MALRD1: variants seen among roughly 807,000 people sequenced by gnomAD.
MALRD1 encodes MAM and LDL-receptor class A domain-containing protein 1.
A neutral mutation model predicts 242.1 loss-of-function variants in MALRD1; 247 were observed. That is an observed-to-expected ratio of 1.02 (90% CI 0.92 to 1.13). The LOEUF is 1.13. Among genes scored for constraint, MALRD1 ranks in the 50% most tolerant of loss-of-function variants. The pLI is 0.00. For missense variants in MALRD1, 2,989 were observed against 2,533.1 expected, an observed-to-expected ratio of 1.18 and a Z score of -3.86; for synonymous variants, 995 against 866.6, an observed-to-expected ratio of 1.15 and a Z score of -2.60.
In MALRD1 at chr10:19,136,674, C is replaced by T. The variant is rs186167365; in HGVS notation, c.1304C>T (p.Ser435Phe). 2.8e-4 allele frequency: 343 copies of T among 1,231,736 alleles called. 4 individuals are homozygous for T. In the South Asian group the frequency reaches 0.01, roughly 37 times the overall value. The allele number at this position is 1,231,736 out of a possible 1,614,324, so 76.3% of individuals were successfully genotyped here. Reference sequence around the variant, plus strand: ...CAGACCCAATCCAGAAAGCTTTGCTCTGCAGACGAATTCCCTTGCACTAGT... The same window carrying T: ...CAGACCCAATCCAGAAAGCTTTGCTTTGCAGACGAATTCCCTTGCACTAGT... Reference protein sequence around the residue: ...CGQTQSRKLCSADEFPCTSGQ... With the variant: ...CGQTQSRKLCFADEFPCTSGQ... The change falls in exon 10 of 40, where the codon TCT becomes TTT. Residue 435 changes from serine (S) to phenylalanine (F), a missense_variant. By Grantham distance (155) the Ser-to-Phe change is radical (BLOSUM62 -2). Coordinates refer to ENST00000454679, the MANE Select transcript of MALRD1 (RefSeq NM_001142308.3).
intron 18 of MALRD1, among the ~76,000 whole-genome samples, chr10:19,236,134 G>C (rs143028717): frequency 6.6e-6 from 1 of 152,144 alleles, no homozygotes; most frequent in Non-Finnish European, 1.5e-5. Context: ...AAAATTATCT[G>C]TTCCTTCCTA....
chr10:19,249,723 G>A (rs956733981), intron 18 of MALRD1, among the ~76,000 whole-genome samples: 4 of 151,994 alleles, frequency 2.6e-5, no homozygotes, highest in African/African-American at 9.7e-5. Context: ...AGTGGTCAAG[G>A]AAGGCTTCTC....
At chr10:19,215,729 A>G (rs1420623227) in intron 18 of MALRD1, among the ~76,000 whole-genome samples, 3 of 88,228 alleles carry the variant, frequency 3.4e-5, no homozygotes, top group Non-Finnish European at 5.6e-5. Flanking sequence ...AAATTAGTAT[A>G]AATAATTTAG....
chr10:19,111,277 A>G (rs1836671031), intron 5 of MALRD1, among the ~76,000 whole-genome samples: 1 of 152,218 alleles, frequency 6.6e-6, no homozygotes, highest in Non-Finnish European at 1.5e-5. Context: ...TCAAAGGAAA[A>G]TTGTGATCCA....
chr10:19,719,505 G>A (rs1013032587), intron 38 of MALRD1, among the ~76,000 whole-genome samples: 2 of 151,858 alleles, frequency 1.3e-5, no homozygotes, highest in Non-Finnish European at 2.9e-5. Context: ...AAACAGTGAC[G>A]GCTTTTGTGG....
chr10:19,566,372 C>G (rs1475587824), intron 32 of MALRD1, among the ~76,000 whole-genome samples: 1 of 146,522 alleles, frequency 6.8e-6, no homozygotes, highest in Non-Finnish European at 1.5e-5. Flanking sequence ...ATCTCCTGAC[C>G]TCGTGATCTG....
At chr10:19,392,507 T>C (rs895088987) in intron 28 of MALRD1, among the ~76,000 whole-genome samples, 4 of 152,212 alleles carry the variant, frequency 2.6e-5, no homozygotes, top group East Asian at 1.9e-4. Flanking sequence ...ACTCCTGTAA[T>C]AAAAAAGTAA....
chr10:19,428,722 T>A (rs939771765), intron 28 of MALRD1, among the ~76,000 whole-genome samples: 3 of 152,234 alleles, frequency 2.0e-5, no homozygotes, highest in Non-Finnish European at 2.9e-5. Flanking sequence ...AAAGTTACAT[T>A]ATTTAAACCG....
intron 18 of MALRD1, among the ~76,000 whole-genome samples, chr10:19,238,513 G>A (rs12263366): frequency 0.15 from 5,004 of 32,380 alleles, 597 homozygotes; most frequent in Non-Finnish European, 0.17. Flanking sequence ...AATATATAAT[G>A]TATATTATAT....
At chr10:19,143,440 A>G (rs1412931551) in intron 10 of MALRD1, among the ~76,000 whole-genome samples, 1 of 152,208 alleles carries the variant, frequency 6.6e-6, no homozygotes, top group Non-Finnish European at 1.5e-5. Context: ...AATGAAGAAC[A>G]TTGCTGTTTG....
chr10:19,068,333 A>G (rs146883338), intron 2 of MALRD1, among the ~76,000 whole-genome samples: 375 of 151,606 alleles, frequency 2.5e-3, no homozygotes, highest in African/African-American at 8.8e-3. Flanking sequence ...GCATATTTTT[A>G]ATTGCCTAGT....
intron 26 of MALRD1, among the ~76,000 whole-genome samples, chr10:19,384,451 A>G (rs1845981682): frequency 8.5e-6 from 1 of 116,996 alleles, no homozygotes; most frequent in Non-Finnish European, 1.6e-5. Flanking sequence ...TATATAGTAT[A>G]TATAATATAA....
chr10:19,192,331 T>C (rs1836015886), intron 14 of MALRD1, among the ~76,000 whole-genome samples: 1 of 152,164 alleles, frequency 6.6e-6, no homozygotes, highest in East Asian at 1.9e-4. Context: ...GTTTAGATAA[T>C]AATACATTTT....
At chr10:19,515,278 T>C (rs995110616) in intron 31 of MALRD1, among the ~76,000 whole-genome samples, 1 of 152,306 alleles carries the variant, frequency 6.6e-6, no homozygotes, top group East Asian at 1.9e-4. Context: ...CAGGGAACAC[T>C]AGGAAGCAAA....
In MALRD1 at chr10:19,273,288, G is replaced by T. The variant is rs539289884; in HGVS notation, c.3080-6759G>T. The stretch of plus-strand genomic sequence containing the variant: ...GCAACAGGAATTCACGTTCATTGCT[G>T]GTAGAAATACCAAGTTATATAGCCG... On this transcript the variant is annotated intron_variant, in intron 19 of 39. Coordinates refer to ENST00000454679, the MANE Select transcript of MALRD1 (RefSeq NM_001142308.3). 7.4e-4 allele frequency among the ~76,000 whole-genome samples: 113 copies of T among 152,098 alleles called. 1 individual carries two copies. Among genetic ancestry groups the T allele is most frequent in the Non-Finnish European group, 1.4e-3 (95 of 68,010 alleles).
rs1284559201 is a variant in MALRD1 at position 19,331,390 on chromosome 10, G to A, written c.3709G>A (p.Gly1237Ser). ...TTAGATTGTCTTCAGAGCCAAACGT[G>A]GTATCAGTTACATAGGAGATGTAGC... ...HTQIVFRAKR[G>S]ISYIGDVAVD... The change falls in exon 24 of 40, where the codon GGT becomes AGT. Residue 1237 changes from glycine (G) to serine (S), a missense_variant. By Grantham distance (56) the Gly-to-Ser change is moderately conservative (BLOSUM62 0). Coordinates refer to ENST00000454679, the MANE Select transcript of MALRD1 (RefSeq NM_001142308.3). 2 of 1,550,184 alleles carry A rather than the reference G, an allele frequency of 1.3e-6. No homozygotes were observed. Among genetic ancestry groups the A allele is most frequent in the Non-Finnish European group, 1.7e-6 (2 of 1,146,762 alleles).
intron 36 of MALRD1, among the ~76,000 whole-genome samples, chr10:19,682,428 T>C (rs926028352): frequency 6.6e-6 from 1 of 152,204 alleles, no homozygotes; most frequent in African/African-American, 2.4e-5. Context: ...TTGATTAGGT[T>C]GGCTGTGGCT....
chr10:19,277,953 A>G (rs1342288208), intron 19 of MALRD1, among the ~76,000 whole-genome samples: 2 of 152,114 alleles, frequency 1.3e-5, no homozygotes, highest in Non-Finnish European at 2.9e-5. Context: ...TTTTTTTTCC[A>G]ATGTTAGAGC....
At chr10:19,560,740 C>T (rs1231597631) in intron 32 of MALRD1, among the ~76,000 whole-genome samples, 2 of 152,050 alleles carry the variant, frequency 1.3e-5, no homozygotes, top group Non-Finnish European at 2.9e-5. Context: ...CATGTTCTCA[C>T]TTATAAGTGG....
Sources: allele counts gnomAD v4.1 joint callset (sites outside exome capture counted in the v4.1 genomes callset), GRCh38; gene constraint gnomAD v4.1.1; transcripts MANE v1.5; gene names NCBI Gene and HGNC (gene_info 2026-07-23, HGNC 2026-07-21).